USP48: variants seen among roughly 807,000 people sequenced by gnomAD.
USP48 encodes the protein ubiquitin specific peptidase 48, also known as ubiquitin carboxyl-terminal hydrolase 48.
Under a neutral mutation model 150.7 loss-of-function variants are expected in USP48, and 43 were observed. The observed-to-expected ratio is 0.29, with a 90% CI of 0.22 to 0.37. The LOEUF (loss-of-function observed/expected upper bound fraction) is 0.37. Ranked by LOEUF, USP48 falls within the 10% of genes least tolerant of loss-of-function variation. The pLI is 1.00. For missense variants in USP48, 813 were observed against 1,249.6 expected (o/e 0.65, Z 5.27); for synonymous variants, 396 against 425.9 (o/e 0.93, Z 0.86).
chr1:21,708,286 G>C (rs910659644), intron 15 of USP48, among the ~76,000 whole-genome samples: 7 of 152,098 alleles, frequency 4.6e-5, no homozygotes, highest in Admixed American at 2.0e-4. Flanking sequence ...AGATCACGAG[G>C]TCAGGAGTTT....
intron 25 of USP48, among the ~76,000 whole-genome samples, chr1:21,683,089 C>T (rs554893573): frequency 6.6e-6 from 1 of 151,874 alleles, no homozygotes; most frequent in African/African-American, 2.4e-5. Flanking sequence ...AGTGAAACCC[C>T]GTCTCTACCA....
chr1:21,684,835 T>G (rs1290102180), intron 25 of USP48, among the ~76,000 whole-genome samples: 1 of 152,228 alleles, frequency 6.6e-6, no homozygotes, highest in Non-Finnish European at 1.5e-5. Context: ...GGTGCCTTTG[T>G]CATAAATTAG....
rs1445966183 is a variant in USP48, at chr1:21,761,207, C to A, written c.135-3424G>T. Among the ~76,000 whole-genome samples, 3 of 151,712 alleles carry A rather than the reference C, an allele frequency of 2.0e-5. No homozygotes were observed. The East Asian group carries it at 5.8e-4, about 29-fold the overall frequency. ...ACCCGTTTGTTTAGATAGAAGAGTA[C>A]ATTATAAACTGGAAACAACCTTATC... On this transcript the variant is annotated intron_variant, in intron 1 of 26. Transcript: ENST00000308271.
chr1:21,782,778 A>G (rs1197774498), intron 1 of USP48, 46 bp downstream of exon 1: 2 of 1,493,224 alleles, frequency 1.3e-6, no homozygotes, highest in Admixed American at 2.3e-5. Context: ...CGGGCTTTCC[A>G]AGGTCCGGCG....
chr1:21,721,739 T>C lies in USP48; in HGVS notation c.1674A>G (p.Val558=). 2 of 1,603,664 alleles carry C rather than the reference T, an allele frequency of 1.2e-6. No individual in the cohort carries two copies. Among genetic ancestry groups the C allele is most frequent in the Non-Finnish European group, 1.7e-6 (2 of 1,173,778 alleles). The change falls in exon 13 of 27, where the codon GTA becomes GTG. Residue 558 remains valine (V), a synonymous_variant. Coordinates refer to ENST00000308271, the MANE Select transcript of USP48 (RefSeq NM_032236.8). ...LTVKALCKEC[V]VERCRILRLK... ...GACGCAATATGCGACAACGTTCTACTACACATTCCTTACACAGGGCTTTCA... is the reference window on the plus strand; with the variant it reads ...GACGCAATATGCGACAACGTTCTACCACACATTCCTTACACAGGGCTTTCA...
chr1:21,776,203 A>C (rs184005479), intron 1 of USP48, among the ~76,000 whole-genome samples: 1 of 152,306 alleles, frequency 6.6e-6, no homozygotes, highest in Admixed American at 6.5e-5. Flanking sequence ...CCCTCAAGAC[A>C]CATAATATTT....
chr1:21,728,695 C>T lies in USP48; in HGVS notation c.1325G>A (p.Arg442Gln), dbSNP rs779277532. 8.1e-6 allele frequency: 13 copies of T among 1,613,828 alleles called. No individual in the cohort carries two copies. The East Asian group carries it at 8.9e-5, about 11-fold the overall frequency. ...CCACTCCTCAAATTTGGAATTATCC[C>T]GATCTACCAGCTCTTGAAGAAAGGC... ...VPAFLQELVDRDNSKFEEWCI... is the reference protein window; with the variant it reads ...VPAFLQELVDQDNSKFEEWCI... Residue 442 changes from arginine to glutamine, a missense_variant, in exon 11 of 27, where the codon CGG (arginine) becomes CAG (glutamine). Transcript: ENST00000308271.
In USP48 at chr1:21,728,638, C is replaced by G. The variant is rs758954307; in HGVS notation, c.1382G>C (p.Ser461Thr). The change falls in exon 11 of 27, where the codon AGT becomes ACT. Residue 461 changes from serine to threonine, a missense_variant. Coordinates refer to ENST00000308271, the MANE Select transcript of USP48 (RefSeq NM_032236.8). ...GTGTTTTGCTTTTCCTTTATCCACA[C>G]TTTGCTTACGCATCTCAGCCATTTC... ...CIEMAEMRKQ[S>T]VDKGKAKHEE... 1 of 1,614,204 alleles carries G rather than the reference C, an allele frequency of 6.2e-7. No homozygotes were observed. The highest frequency in any genetic ancestry group is 8.5e-7 in the Non-Finnish European group (1 of 1,180,038).
At chr1:21,714,260 G>A (rs1391158658) in intron 15 of USP48, among the ~76,000 whole-genome samples, 1 of 152,134 alleles carries the variant, frequency 6.6e-6, no homozygotes, top group African/African-American at 2.4e-5. Flanking sequence ...ACTTTTCTGT[G>A]TCAAATTTAT....
intron 25 of USP48, among the ~76,000 whole-genome samples, chr1:21,682,789 C>T (rs1345337114): frequency 1.3e-5 from 2 of 151,390 alleles, no homozygotes; most frequent in Non-Finnish European, 2.9e-5. Flanking sequence ...GCAGAAGAAT[C>T]GCTTGAACCC....
chr1:21,781,203 G>C (rs2097913620), intron 1 of USP48, among the ~76,000 whole-genome samples: 2 of 146,940 alleles, frequency 1.4e-5, no homozygotes, highest in South Asian at 4.3e-4. Context: ...CAAATTATCT[G>C]AGGTCAGGAG....
intron 11 of USP48, 130 bp downstream of exon 11, chr1:21,728,440 G>T: frequency 6.8e-7 from 1 of 1,472,656 alleles, no homozygotes; most frequent in Non-Finnish European, 9.0e-7. Context: ...AGTACTTTTA[G>T]AGTGTTTAAG....
At chr1:21,692,442 G>C (rs829384) in intron 23 of USP48, among the ~76,000 whole-genome samples, 40,960 of 151,998 alleles carry the variant, frequency 0.27, 5,928 homozygotes, top group Non-Finnish European at 0.31. Context: ...CTGCTGGACT[G>C]TAAAAATGCT....
chr1:21,758,814 A>T lies in USP48; in HGVS notation c.135-1031T>A, dbSNP rs185690009. Among the ~76,000 whole-genome samples, 222 of 152,150 alleles carry T rather than the reference A, an allele frequency of 1.5e-3. 2 individuals carry two copies. Among genetic ancestry groups the T allele is most frequent in the Admixed American group, 0.013 (201 of 15,270 alleles). ...ATGAAAAGGAAATGTACCTTTTCAT[A>T]TAATGAACAATTTGGGACCATGTGA... On this transcript the variant is annotated intron_variant, in intron 1 of 26. Coordinates refer to ENST00000308271, the MANE Select transcript of USP48 (RefSeq NM_032236.8).
intron 25 of USP48, 40 bp from the exon 26 acceptor site, chr1:21,680,874 A>G (rs374257618): frequency 8.5e-6 from 13 of 1,522,300 alleles, no homozygotes; most frequent in Non-Finnish European, 1.2e-5. Flanking sequence ...AATTGAAAAG[A>G]TTGTCGTGAC....
chr1:21,711,674 A>T (rs1343068977), intron 15 of USP48, among the ~76,000 whole-genome samples: 1 of 152,200 alleles, frequency 6.6e-6, no homozygotes, highest in Admixed American at 6.5e-5. Flanking sequence ...TTCCCAGTGA[A>T]ACAAGCCAGC....
chr1:21,768,455 A>T (rs1475812432), intron 1 of USP48: 1 of 152,606 alleles, frequency 6.6e-6, no homozygotes, highest in Non-Finnish European at 1.5e-5. Context: ...CCTTGACCAC[A>T]TGATGAAGAA....
At chr1:21,727,438 C>T (rs1158198260) in intron 11 of USP48, among the ~76,000 whole-genome samples, 1 of 152,206 alleles carries the variant, frequency 6.6e-6, no homozygotes, top group Non-Finnish European at 1.5e-5. Context: ...GCTAACTTGA[C>T]ACATAACATC....
Position 21,706,533 on chromosome 1 carries a change from C to A in USP48, c.2145G>T (p.Glu715Asp). Residue 715 changes from glutamate (E) to aspartate (D), a missense_variant, in exon 17 of 27, where the codon GAG becomes GAT. Transcript: ENST00000308271. ...ACAAATTTGGGAGAGAAGTCTTTTG[C>A]TCGTTTGCAATCATCTTATGTAAGG... ...NEALHKMIAN[E>D]QKTSLPNLFQ... 1 of 1,614,172 alleles carries A rather than the reference C, an allele frequency of 6.2e-7. No individual in the cohort carries two copies. Among genetic ancestry groups the A allele is most frequent in the Non-Finnish European group, 8.5e-7 (1 of 1,180,018 alleles).
Sources: allele counts gnomAD v4.1 joint callset (sites outside exome capture counted in the v4.1 genomes callset), GRCh38; gene constraint gnomAD v4.1.1; transcripts MANE v1.5; gene names NCBI Gene and HGNC (gene_info 2026-07-23, HGNC 2026-07-21).